FNDC3A: variants seen among roughly 807,000 people sequenced by gnomAD.
FNDC3A encodes fibronectin type-III domain-containing protein 3A.
FNDC3A carries 32 observed loss-of-function variants against 148.9 expected under a neutral mutation model. That is an observed-to-expected ratio of 0.21 (90% CI 0.16 to 0.29). The LOEUF is 0.29. Ranked by LOEUF, FNDC3A falls within the 10% of genes least tolerant of loss-of-function variation. The pLI, the probability that FNDC3A is intolerant of heterozygous loss-of-function variation, is 1.00. For synonymous variants in FNDC3A, 472 were observed against 473.6 expected, an observed-to-expected ratio of 1.00 and a Z score of 0.04; for missense variants, 1,191 against 1,452.8, an observed-to-expected ratio of 0.82 and a Z score of 2.93.
At chr13:49,051,607 C>T (rs1875847930) in intron 2 of FNDC3A, among the ~76,000 whole-genome samples, 1 of 152,168 alleles carries the variant, frequency 6.6e-6, no homozygotes, top group South Asian at 2.1e-4. Flanking sequence ...TCTTAAGATT[C>T]TTTCCTTTGT....
chr13:49,167,061 A>G (rs890616544), intron 8 of FNDC3A, among the ~76,000 whole-genome samples, 183 bp from the exon 9 acceptor site: 1 of 152,248 alleles, frequency 6.6e-6, no homozygotes, highest in African/African-American at 2.4e-5. Flanking sequence ...GTATGCAGGT[A>G]CACATGTTAA....
At chr13:49,069,533 G>C (rs190549341) in intron 2 of FNDC3A, among the ~76,000 whole-genome samples, 19 of 152,192 alleles carry the variant, frequency 1.2e-4, no homozygotes, top group African/African-American at 4.1e-4. Context: ...TCTTCTCTAG[G>C]CCTTCCCACT....
chr13:49,176,966 A>G (rs1885062381), intron 13 of FNDC3A, among the ~76,000 whole-genome samples: 1 of 152,028 alleles, frequency 6.6e-6, no homozygotes, highest in Admixed American at 6.6e-5. Flanking sequence ...ATGCCTGGCT[A>G]ATTTTATTTT....
At chr13:48,997,899 T>C (rs1026089402) in intron 1 of FNDC3A, among the ~76,000 whole-genome samples, 1 of 148,046 alleles carries the variant, frequency 6.8e-6, no homozygotes, top group African/African-American at 2.5e-5. Context: ...GGTGTGTGCA[T>C]TAAAAAAAAA....
At chr13:49,076,114 T>C (rs1219576685) in intron 3 of FNDC3A, among the ~76,000 whole-genome samples, 3 of 152,094 alleles carry the variant, frequency 2.0e-5, no homozygotes, top group Non-Finnish European at 4.4e-5. Context: ...GAGAACCATC[T>C]TCCTATGGGA....
intron 3 of FNDC3A, among the ~76,000 whole-genome samples, chr13:49,108,722 TC>T (rs1460344583): frequency 6.6e-6 from 1 of 152,156 alleles, no homozygotes; most frequent in African/African-American, 2.4e-5. Flanking sequence ...GGGCTGAAGA[TC>T]AGAGACATGG....
At chr13:49,132,835 C>T (rs995196724) in intron 5 of FNDC3A, among the ~76,000 whole-genome samples, 1 of 152,168 alleles carries the variant, frequency 6.6e-6, no homozygotes, top group African/African-American at 2.4e-5. Flanking sequence ...CCTTGTTAGT[C>T]TCTAGCACTG....
chr13:49,080,389 C>G (rs767055495), intron 3 of FNDC3A, among the ~76,000 whole-genome samples: 104 of 152,164 alleles, frequency 6.8e-4, no homozygotes, highest in Middle Eastern at 3.4e-3. Context: ...CTCATTTTTT[C>G]CCCCTTCTTT....
chr13:49,199,667 C>T (rs2138132677), intron 23 of FNDC3A, among the ~76,000 whole-genome samples: 1 of 152,250 alleles, frequency 6.6e-6, no homozygotes, highest in East Asian at 1.9e-4. Context: ...CGTTCCTGGC[C>T]TCTGAGATCC....
In FNDC3A at chr13:49,131,490, C is replaced by T. The variant is rs980081020; in HGVS notation, c.490+116C>T. Reference sequence around the variant, plus strand: ...CAGCAAATGGTAATGATGTAACAGGCATTTTTCTTTTACTCAAGTACTATA... The same window carrying T: ...CAGCAAATGGTAATGATGTAACAGGTATTTTTCTTTTACTCAAGTACTATA... On this transcript the variant is annotated intron_variant, in intron 5 of 25. Transcript: ENST00000492622. The T allele has an allele frequency of 1.0e-5, 8 of 792,428 alleles. No individual in the cohort carries two copies. In the African/African-American group the frequency reaches 1.2e-4, roughly 12 times the overall value. 49.1% of individuals were successfully genotyped at this position (792,428 alleles called of 1,614,324 possible).
intron 6 of FNDC3A, 48 bp downstream of exon 6, chr13:49,136,649 A>C (rs370045202): frequency 1.4e-5 from 21 of 1,548,762 alleles, no homozygotes; most frequent in Non-Finnish European, 1.9e-5. Context: ...TATTCTCGTG[A>C]TTTAACCTAC....
At chr13:49,055,450 C>G (rs544157781) in intron 2 of FNDC3A, among the ~76,000 whole-genome samples, 2 of 152,072 alleles carry the variant, frequency 1.3e-5, no homozygotes. Context: ...GCCTTATACC[C>G]TCCTCCCTTT....
intron 8 of FNDC3A, among the ~76,000 whole-genome samples, chr13:49,155,973 G>A (rs1301461938): frequency 7.7e-6 from 1 of 129,994 alleles, no homozygotes; most frequent in East Asian, 2.1e-4. Context: ...GTGTGGTGTG[G>A]TGCTGAAAAA....
chr13:49,062,042 AG>A (rs1251980737), intron 2 of FNDC3A, among the ~76,000 whole-genome samples: 1 of 151,926 alleles, frequency 6.6e-6, no homozygotes, highest in Non-Finnish European at 1.5e-5. Flanking sequence ...CATTGTGTAA[AG>A]GATTGCCAGG....
chr13:49,090,125 A>G (rs1879087554), intron 3 of FNDC3A, among the ~76,000 whole-genome samples: 1 of 152,166 alleles, frequency 6.6e-6, no homozygotes, highest in African/African-American at 2.4e-5. Flanking sequence ...CACTTTCTTT[A>G]AGAACATATC....
chr13:48,975,377 C>A (rs1048195183), upstream of FNDC3A: 6 of 152,228 alleles, frequency 3.9e-5, no homozygotes, highest in Non-Finnish European at 7.3e-5. Context: ...AGCCACCCCC[C>A]ACGTTTTCAA....
chr13:49,160,403 C>T (rs1405825629), intron 8 of FNDC3A, among the ~76,000 whole-genome samples: 1 of 152,188 alleles, frequency 6.6e-6, no homozygotes, highest in African/African-American at 2.4e-5. Context: ...AGTTTATTTG[C>T]ATAGAGGTGT....
intron 3 of FNDC3A, among the ~76,000 whole-genome samples, chr13:49,087,625 A>T (rs1332378822): frequency 6.6e-6 from 1 of 152,156 alleles, no homozygotes; most frequent in African/African-American, 2.4e-5. Flanking sequence ...GTTTTACAAG[A>T]GTCAAAAATT....
intron 2 of FNDC3A, among the ~76,000 whole-genome samples, chr13:49,069,575 C>A (rs1186484389): frequency 6.6e-6 from 1 of 152,182 alleles, no homozygotes; most frequent in African/African-American, 2.4e-5. Flanking sequence ...ACTGAGTCTT[C>A]AAGACACAGC....
Sources: allele counts gnomAD v4.1 joint callset (sites outside exome capture counted in the v4.1 genomes callset), GRCh38; gene constraint gnomAD v4.1.1; transcripts MANE v1.5; gene names NCBI Gene and HGNC (gene_info 2026-07-23, HGNC 2026-07-21).